Variants in CMTR1 observed in about 807,000 individuals in gnomAD.
CMTR1 encodes the protein cap methyltransferase 1.
In CMTR1, 39 loss-of-function variants were observed where a neutral mutation model predicts 107.0. That is an observed-to-expected ratio of 0.36 (90% CI 0.28 to 0.48). The LOEUF (loss-of-function observed/expected upper bound fraction) is 0.48, where lower values mean the gene tolerates loss of function less well. Among genes scored for constraint, CMTR1 ranks in the 20% least tolerant of loss-of-function variants. The pLI is 0.99. For missense variants in CMTR1, 672 were observed against 1,064.9 expected (o/e 0.63, Z 5.14); for synonymous variants, 366 against 379.5 (o/e 0.96, Z 0.41).
intron 2 of CMTR1, among the ~76,000 whole-genome samples, chr6:37,437,168 A>C (rs772502068): frequency 1.3e-5 from 2 of 151,836 alleles, no homozygotes; most frequent in Non-Finnish European, 2.9e-5. Context: ...ATGGGACCCA[A>C]CATAAATTTG....
chr6:37,460,380 G>A (rs1165125564), intron 10 of CMTR1, among the ~76,000 whole-genome samples: 1 of 152,218 alleles, frequency 6.6e-6, no homozygotes, highest in Non-Finnish European at 1.5e-5. Context: ...CAGGCTTGGG[G>A]CTGGCTGTGA....
intron 1 of CMTR1, among the ~76,000 whole-genome samples, 171 bp downstream of exon 1, chr6:37,433,548 C>T (rs1290100352): frequency 6.6e-6 from 1 of 152,246 alleles, no homozygotes; most frequent in Non-Finnish European, 1.5e-5. Context: ...CTCCCTGGAG[C>T]CCGAGCTGCC....
chr6:37,478,219 C>T (rs1483717356), intron 21 of CMTR1, among the ~76,000 whole-genome samples, 190 bp from the exon 22 acceptor site: 1 of 152,192 alleles, frequency 6.6e-6, no homozygotes, highest in Non-Finnish European at 1.5e-5. Flanking sequence ...CCTGCCTCCA[C>T]TGCCTGAGTG....
At chr6:37,459,157 C>T (rs139385358) in intron 9 of CMTR1, among the ~76,000 whole-genome samples, 53 of 152,378 alleles carry the variant, frequency 3.5e-4, no homozygotes, top group African/African-American at 1.3e-3. Context: ...GCCCATCTCT[C>T]GCCCTCTGTG....
chr6:37,475,557 G>T, intron 19 of CMTR1, 145 bp downstream of exon 19: 1 of 684,382 alleles, frequency 1.5e-6, no homozygotes, highest in Non-Finnish European at 2.5e-6. Context: ...CCACTGACTG[G>T]TCCCAAAGTC....
At chr6:37,441,024 T>G (rs1046795901) in intron 2 of CMTR1, among the ~76,000 whole-genome samples, 6 of 152,196 alleles carry the variant, frequency 3.9e-5, no homozygotes, top group African/African-American at 1.4e-4. Flanking sequence ...GCAACTGATT[T>G]AGCATTGTAG....
At chr6:37,440,366 A>C (rs564849101) in intron 2 of CMTR1, among the ~76,000 whole-genome samples, 36 of 152,310 alleles carry the variant, frequency 2.4e-4, no homozygotes, top group African/African-American at 8.4e-4. Flanking sequence ...CTTTCATATG[A>C]AAAGAGTAGC....
upstream of CMTR1, among the ~76,000 whole-genome samples, chr6:37,428,665 C>G (rs1039758715): frequency 6.6e-6 from 1 of 152,108 alleles, no homozygotes; most frequent in African/African-American, 2.4e-5. Context: ...ACCATGTTGG[C>G]CAGGCATGTC....
intron 2 of CMTR1, among the ~76,000 whole-genome samples, chr6:37,437,260 C>T (rs1421746385): frequency 1.3e-5 from 2 of 150,220 alleles, no homozygotes; most frequent in Non-Finnish European, 3.0e-5. Context: ...GGCGCGGTGG[C>T]TCACAGTTGT....
chr6:37,452,910 GTCA>G, intron 6 of CMTR1, 134 bp from the exon 7 acceptor site: 1 of 754,232 alleles, frequency 1.3e-6, no homozygotes, highest in South Asian at 1.6e-5. Flanking sequence ...CCTGTGTAGG[GTCA>G]CACAGTGAGA....
intron 10 of CMTR1, 96 bp downstream of exon 10, chr6:37,459,780 A>G (rs1761364595): frequency 1.2e-6 from 1 of 855,826 alleles, no homozygotes; most frequent in Non-Finnish European, 2.0e-6. Flanking sequence ...AGCTGCTCCC[A>G]AAGATGGTAT....
At position 37,473,590 on chromosome 6, in the gene CMTR1, A is replaced by G; in HGVS notation, c.1810A>G (p.Ile604Val). 6.2e-7 allele frequency: 1 copy of G among 1,613,806 alleles called. No homozygotes were observed. Among genetic ancestry groups the G allele is most frequent in the Non-Finnish European group, 8.5e-7 (1 of 1,179,868 alleles). ...ATCTGGCAGTGAGCAGAAGTTCCTC[A>G]TCGGCCTGGGGGTAAGTCTGCAGCT... The part of the protein sequence containing the change: ...MVSGSEQKFL[I>V]GLGKSQIYTW... Residue 604 changes from isoleucine (I) to valine (V), a missense_variant, in exon 17 of 24, where the codon ATC (isoleucine) becomes GTC (valine). Ile to Val is a conservative substitution (Grantham distance 29, BLOSUM62 3). Coordinates refer to ENST00000373451, the MANE Select transcript of CMTR1 (RefSeq NM_015050.3).
At chr6:37,438,216 C>T (rs553406793) in intron 2 of CMTR1, among the ~76,000 whole-genome samples, 3 of 152,016 alleles carry the variant, frequency 2.0e-5, no homozygotes, top group Admixed American at 6.5e-5. Flanking sequence ...CCCACCTCTG[C>T]AAAAAATACA....
Position 37,456,077 on chromosome 6 carries a change from A to G in CMTR1, c.778-2535A>G, listed in dbSNP as rs560865856. Among the ~76,000 whole-genome samples the G allele has an allele frequency of 4.6e-4, 70 of 152,314 alleles. 1 individual carries two copies. The South Asian group carries it at 0.015, about 32-fold the overall frequency. On this transcript the variant is annotated intron_variant, in intron 8 of 23. Coordinates refer to ENST00000373451, the MANE Select transcript of CMTR1 (RefSeq NM_015050.3). ...GAGGTCATATTCATGCCCCCTTTGC[A>G]GGGGTGAGGTGTTCGCATCGATCAT...
chr6:37,475,217 T>A (rs1761711704), intron 18 of CMTR1, 104 bp from the exon 19 acceptor site: 2 of 882,708 alleles, frequency 2.3e-6, no homozygotes, highest in Admixed American at 2.0e-5. Flanking sequence ...AGCCCTACCC[T>A]TCCCCCAGCT....
chr6:37,446,784 T>C (rs1168546485), intron 4 of CMTR1, among the ~76,000 whole-genome samples: 1 of 152,220 alleles, frequency 6.6e-6, no homozygotes, highest in Non-Finnish European at 1.5e-5. Flanking sequence ...GTGTGCTCTC[T>C]GCTGAAAGTG....
intron 20 of CMTR1, 107 bp downstream of exon 20, chr6:37,476,301 T>G: frequency 8.6e-7 from 1 of 1,168,898 alleles, no homozygotes. Flanking sequence ...CAAGTGGGTG[T>G]TAGAGACAAG....
chr6:37,469,173 T>C (rs2113888412), intron 13 of CMTR1, among the ~76,000 whole-genome samples: 1 of 152,112 alleles, frequency 6.6e-6, no homozygotes, highest in Non-Finnish European at 1.5e-5. Context: ...AAAAAACTAT[T>C]TCCCTTTCAT....
chr6:37,437,713 A>T (rs185275901), intron 2 of CMTR1, among the ~76,000 whole-genome samples: 51 of 152,152 alleles, frequency 3.4e-4, no homozygotes, highest in Non-Finnish European at 6.3e-4. Context: ...GGTTCTGGAG[A>T]TTCTTGAGGA....
Sources: allele counts gnomAD v4.1 joint callset (sites outside exome capture counted in the v4.1 genomes callset), GRCh38; gene constraint gnomAD v4.1.1; transcripts MANE v1.5; gene names NCBI Gene and HGNC (gene_info 2026-07-23, HGNC 2026-07-21).